The following OR52E4 variants were observed in gnomAD, a reference collection of about 807,000 sequenced individuals.
OR52E4 encodes the protein olfactory receptor family 52 subfamily E member 4, also known as olfactory receptor 52E4.
For synonymous variants in OR52E4, 169 were observed against 137.4 expected (o/e 1.23, Z -1.61); for missense variants, 444 against 383.8 (o/e 1.16, Z -1.31).
In OR52E4 at chr11:5,886,895, C is replaced by T. The variant is rs1847051736; in HGVS notation, c.*1664C>T. ...GAATCTGGACAGTTCTTGGTCTTAA[C>T]ACTGGCTAAGCACAATTCCTGAATT... On this transcript the variant is annotated 3_prime_UTR_variant, in exon 2 of 2. Coordinates refer to ENST00000641726, the MANE Select transcript of OR52E4 (RefSeq NM_001005165.2). The T allele has an allele frequency of 6.6e-6, 1 of 152,130 alleles. No individual in the cohort carries two copies. Among genetic ancestry groups the T allele is most frequent in the South Asian group, 2.1e-4 (1 of 4,834 alleles). 9.4% of individuals were successfully genotyped at this position (152,130 alleles called of 1,614,324 possible).
At chr11:5,883,207 G>A (rs1322028533) in intron 1 of OR52E4, among the ~76,000 whole-genome samples, 1 of 152,002 alleles carries the variant, frequency 6.6e-6, no homozygotes, top group Non-Finnish European at 1.5e-5. Flanking sequence ...GCATTTTATT[G>A]GAAGGATATC....
At position 5,884,478 on chromosome 11, in the gene OR52E4, C is replaced by A; in HGVS notation, c.186C>A (p.Phe62Leu). Residue 62 changes from phenylalanine to leucine, a missense_variant, in exon 2 of 2, where the codon TTC becomes TTA. Physicochemically the swap from Phe to Leu is conservative, Grantham distance 22. Transcript: ENST00000641726. ...KTEHSLHQPM[F>L]YFLAMLSMID... ...AACATAGTCTACACCAGCCCATGTT[C>A]TACTTCCTGGCCATGTTGTCTATGA... 1 of 1,613,554 alleles carries A rather than the reference C, an allele frequency of 6.2e-7. No individual in the cohort carries two copies. Among genetic ancestry groups the A allele is most frequent in the Non-Finnish European group, 8.5e-7 (1 of 1,179,666 alleles).
At position 5,885,996 on chromosome 11, in the gene OR52E4, G is replaced by C. The variant is rs1847037333; in HGVS notation, c.*765G>C. The stretch of plus-strand genomic sequence containing the variant: ...TAAAGCAGGCAGAAAAATGTGAAAA[G>C]ACTAGATGGGCCTAGCCTCCCAGGC... On this transcript the variant is annotated 3_prime_UTR_variant, in exon 2 of 2. Coordinates refer to ENST00000641726, the MANE Select transcript of OR52E4 (RefSeq NM_001005165.2). The C allele has an allele frequency of 6.6e-6, 1 of 152,050 alleles. No individual in the cohort carries two copies. Among genetic ancestry groups the C allele is most frequent in the South Asian group, 2.1e-4 (1 of 4,820 alleles). 9.4% of individuals were successfully genotyped at this position (152,050 alleles called of 1,614,324 possible). A position where few individuals can be genotyped will look rare whatever the true frequency, so the allele number is the denominator to read the frequency against.
Position 5,886,439 on chromosome 11 carries a change from T to C in OR52E4, c.*1208T>C, listed in dbSNP as rs1847045474. On this transcript the variant is annotated 3_prime_UTR_variant, in exon 2 of 2. Coordinates refer to ENST00000641726, the MANE Select transcript of OR52E4 (RefSeq NM_001005165.2). ...TGTCTAATTCTAATTCTCAATTCTATCTGACAATTTCCCTTCAGACAAAAT... is the reference window on the plus strand; with the variant it reads ...TGTCTAATTCTAATTCTCAATTCTACCTGACAATTTCCCTTCAGACAAAAT... 8 of 152,024 alleles carry C rather than the reference T, an allele frequency of 5.3e-5. No homozygotes were observed. Among genetic ancestry groups the C allele is most frequent in the Admixed American group, 5.2e-4 (8 of 15,254 alleles). The allele number at this position is 152,024 out of a possible 1,614,324, so 9.4% of individuals were successfully genotyped here.
chr11:5,886,248 C>T lies in OR52E4; in HGVS notation c.*1017C>T, dbSNP rs1184551207. ...ATATATATATCCTATTAGTTCAGTC[C>T]CTCTAGAGAACACTGACTAATACAC... On this transcript the variant is annotated 3_prime_UTR_variant, in exon 2 of 2. Transcript: ENST00000641726. The T allele has an allele frequency of 6.6e-6, 1 of 150,966 alleles. No homozygotes were observed. Among genetic ancestry groups the T allele is most frequent in the Non-Finnish European group, 1.5e-5 (1 of 67,764 alleles). The allele number at this position is 150,966 out of a possible 1,614,324, so 9.4% of individuals were successfully genotyped here.
At position 5,884,985 on chromosome 11, in the gene OR52E4, T is replaced by C. The variant is rs1847019877; in HGVS notation, c.693T>C (p.Ser231=). ...TTAGAGCTGTTTTTCGCCTTCCCTCTCAAGATGTCCGACTAAAGGCCTTCA... is the reference window on the plus strand; with the variant it reads ...TTAGAGCTGTTTTTCGCCTTCCCTCCCAAGATGTCCGACTAAAGGCCTTCA... ...LILRAVFRLP[S]QDVRLKAFNT... The change falls in exon 2 of 2, where the codon TCT becomes TCC. Residue 231 remains serine (S), a synonymous_variant. Coordinates refer to ENST00000641726, the MANE Select transcript of OR52E4 (RefSeq NM_001005165.2). 1 of 1,613,006 alleles carries C rather than the reference T, an allele frequency of 6.2e-7. No individual in the cohort carries two copies. The highest frequency in any genetic ancestry group is 1.1e-5 in the South Asian group (1 of 91,056).
chr11:5,884,963 G>C lies in OR52E4; in HGVS notation c.671G>C (p.Arg224Thr), dbSNP rs137865578. The change falls in exon 2 of 2, where the codon AGA (arginine) becomes ACA (threonine). Residue 224 changes from arginine to threonine, a missense_variant. Physicochemically the swap from Arg to Thr is moderately conservative, Grantham distance 71 (BLOSUM62 -1). Coordinates refer to ENST00000641726, the MANE Select transcript of OR52E4 (RefSeq NM_001005165.2). ...LIASSYVLIL[R>T]AVFRLPSQDV... is the part of the protein sequence containing the mutation. ...GCCTCTTCCTATGTGCTTATCCTTA[G>C]AGCTGTTTTTCGCCTTCCCTCTCAA... The C allele has an allele frequency of 1.2e-5, 20 of 1,612,422 alleles. No individual in the cohort carries two copies. Among genetic ancestry groups the C allele is most frequent in the East Asian group, 2.2e-5 (1 of 44,822 alleles).
rs2134278276 is a variant in OR52E4 at position 5,885,728 on chromosome 11, G to A, written c.*497G>A. 1 of 152,690 alleles carries A rather than the reference G, an allele frequency of 6.5e-6. No homozygotes were observed. Among genetic ancestry groups the A allele is most frequent in the South Asian group, 2.1e-4 (1 of 4,840 alleles). The allele number at this position is 152,690 out of a possible 1,614,324, so 9.5% of individuals were successfully genotyped here. A position where few individuals can be genotyped will look rare whatever the true frequency, so the allele number is the denominator to read the frequency against. On this transcript the variant is annotated 3_prime_UTR_variant, in exon 2 of 2. Coordinates refer to ENST00000641726, the MANE Select transcript of OR52E4 (RefSeq NM_001005165.2). Reference sequence around the variant, plus strand: ...CCATGTTTATTTTAATGCTCTCTCAGTCTTGCTGTTACTGCCATTTTTGCT... The same window carrying A: ...CCATGTTTATTTTAATGCTCTCTCAATCTTGCTGTTACTGCCATTTTTGCT...
At position 5,885,098 on chromosome 11, in the gene OR52E4, T is replaced by C. The variant is rs1564992016; in HGVS notation, c.806T>C (p.Ile269Thr). ...SFMTHRFGQN[I>T]PHYIHILLAN... The stretch of plus-strand genomic sequence containing the variant: ...ATGACACATCGTTTTGGCCAAAACA[T>C]TCCCCACTATATCCATATTCTTTTG... The change falls in exon 2 of 2, where the codon ATT becomes ACT. Residue 269 changes from isoleucine (I) to threonine (T), a missense_variant. Physicochemically the swap from Ile to Thr is moderately conservative, Grantham distance 89. Coordinates refer to ENST00000641726, the MANE Select transcript of OR52E4 (RefSeq NM_001005165.2). 1.9e-6 allele frequency: 3 copies of C among 1,613,520 alleles called. No individual in the cohort carries two copies. Among genetic ancestry groups the C allele is most frequent in the Non-Finnish European group, 1.7e-6 (2 of 1,179,668 alleles).
Position 5,885,933 on chromosome 11 carries a change from T to A in OR52E4, c.*702T>A, listed in dbSNP as rs1481418701. 1 of 152,098 alleles carries A rather than the reference T, an allele frequency of 6.6e-6. No individual in the cohort carries two copies. The highest frequency in any genetic ancestry group is 2.4e-5 in the African/African-American group (1 of 41,410). The allele number at this position is 152,098 out of a possible 1,614,324, so 9.4% of individuals were successfully genotyped here. A position where few individuals can be genotyped will look rare whatever the true frequency, so the allele number is the denominator to read the frequency against. ...AAGGCAGACCCACCTTCAATCTGGG[T>A]GGGCACCATCTAATCAGCTGCCAAC... On this transcript the variant is annotated 3_prime_UTR_variant, in exon 2 of 2. Transcript: ENST00000641726.
intron 1 of OR52E4, among the ~76,000 whole-genome samples, chr11:5,883,875 G>A (rs1846997522): frequency 6.6e-6 from 1 of 151,942 alleles, no homozygotes; most frequent in Admixed American, 6.6e-5. Context: ...TTCTGGAAAG[G>A]TACTTAGAAA....
rs755242702 is a variant in OR52E4 at position 5,884,474 on chromosome 11, T to C, written c.182T>C (p.Met61Thr). ...ACTGAACATAGTCTACACCAGCCCA[T>C]GTTCTACTTCCTGGCCATGTTGTCT... ...IKTEHSLHQP[M>T]FYFLAMLSMI... Residue 61 changes from methionine to threonine, a missense_variant, in exon 2 of 2, where the codon ATG (methionine) becomes ACG (threonine). By Grantham distance (81) the Met-to-Thr change is moderately conservative. Transcript: ENST00000641726. The C allele has an allele frequency of 5.6e-6, 9 of 1,613,464 alleles. No homozygotes were observed. The highest frequency in any genetic ancestry group is 6.8e-6 in the Non-Finnish European group (8 of 1,179,684).
At chr11:5,883,587 AAACT>A (rs1174313646) in intron 1 of OR52E4, among the ~76,000 whole-genome samples, 2 of 151,626 alleles carry the variant, frequency 1.3e-5, no homozygotes, top group Admixed American at 6.6e-5. Flanking sequence ...TAATATTAAC[AAACT>A]ATTATATAAA....
chr11:5,883,328 G>A lies in OR52E4; in HGVS notation c.-74-891G>A, dbSNP rs117630276. Among the ~76,000 whole-genome samples the A allele has an allele frequency of 3.0e-3, 461 of 152,130 alleles. 2 individuals carry two copies. The highest frequency in any genetic ancestry group is 4.8e-3 in the Non-Finnish European group (329 of 67,974). ...GAAATGCACTTATCAGTTTAGCTGA[G>A]TTAGAACCAGGAAAGTTCTAACAGA... On this transcript the variant is annotated intron_variant, in intron 1 of 1. Coordinates refer to ENST00000641726, the MANE Select transcript of OR52E4 (RefSeq NM_001005165.2).
At position 5,884,327 on chromosome 11, in the gene OR52E4, C is replaced by G. The variant is rs140748846; in HGVS notation, c.35C>G (p.Pro12Arg). 9.3e-6 allele frequency: 15 copies of G among 1,612,136 alleles called. No individual in the cohort carries two copies. The highest frequency in any genetic ancestry group is 2.7e-5 in the African/African-American group (2 of 74,826). Residue 12 changes from proline to arginine, a missense_variant, in exon 2 of 2, where the codon CCC (proline) becomes CGC (arginine). Coordinates refer to ENST00000641726, the MANE Select transcript of OR52E4 (RefSeq NM_001005165.2). ...PSINDTHFYPPFFLLLGIPGL... is the reference protein window; with the variant it reads ...PSINDTHFYPRFFLLLGIPGL... ...ATCAATGACACCCACTTCTATCCCCCCTTCTTCCTCCTGCTAGGAATACCA... is the reference window on the plus strand; with the variant it reads ...ATCAATGACACCCACTTCTATCCCCGCTTCTTCCTCCTGCTAGGAATACCA...
chr11:5,885,393 T>C lies in OR52E4; in HGVS notation c.*162T>C. 1 of 561,788 alleles carries C rather than the reference T, an allele frequency of 1.8e-6. No homozygotes were observed. The highest frequency in any genetic ancestry group is 3.1e-6 in the Non-Finnish European group (1 of 323,632). The allele number at this position is 561,788 out of a possible 1,614,324, so 34.8% of individuals were successfully genotyped here. A position where few individuals can be genotyped will look rare whatever the true frequency, so the allele number is the denominator to read the frequency against. On this transcript the variant is annotated 3_prime_UTR_variant, in exon 2 of 2. Transcript: ENST00000641726. ...ACAGATAATGCAAACTTAAAACCTT[T>C]GCTGCCTGTTTCCCCTACTTCTCTC... is the stretch of plus-strand genomic sequence containing the variant.
chr11:5,884,547 A>T lies in OR52E4; in HGVS notation c.255A>T (p.Gly85=). The T allele has an allele frequency of 1.2e-6, 2 of 1,613,484 alleles. No homozygotes were observed. Among genetic ancestry groups the T allele is most frequent in the Non-Finnish European group, 1.7e-6 (2 of 1,179,682 alleles). The part of the protein sequence containing the change: ...LSTSTIPKML[G]IFWFNLQEIS... ...CATCCACTATCCCCAAAATGCTAGG[A>T]ATCTTCTGGTTCAACCTCCAAGAGA... Residue 85 remains glycine, a synonymous_variant, in exon 2 of 2, where the codon GGA becomes GGT. Transcript: ENST00000641726.
rs11823842 is a variant in OR52E4 at position 5,885,061 on chromosome 11, T to C, written c.769T>C (p.Phe257Leu). ...TATGCTGTGCTTTTACACACCAGCA[T>C]TTTTTTCTTTTATGACACATCGTTT... ...CVMLCFYTPA[F>L]FSFMTHRFGQ... The change falls in exon 2 of 2, where the codon TTT (phenylalanine) becomes CTT (leucine). Residue 257 changes from phenylalanine to leucine, a missense_variant. Phe to Leu is a conservative substitution (Grantham distance 22, BLOSUM62 0). Transcript: ENST00000641726. The C allele has an allele frequency of 0.41, 665,644 of 1,612,354 alleles. 139,101 individuals carry two copies. The highest frequency in any genetic ancestry group is 0.43 in the Non-Finnish European group (510,511 of 1,178,910).
chr11:5,885,000 A>G lies in OR52E4; in HGVS notation c.708A>G (p.Leu236=). ...VFRLPSQDVR[L]KAFNTCGSHV... ...GCCTTCCCTCTCAAGATGTCCGACT[A>G]AAGGCCTTCAATACCTGTGGTTCTC... Residue 236 remains leucine (L), a synonymous_variant, in exon 2 of 2, where the codon CTA becomes CTG. Coordinates refer to ENST00000641726, the MANE Select transcript of OR52E4 (RefSeq NM_001005165.2). The G allele has an allele frequency of 1.2e-6, 2 of 1,613,194 alleles. No individual in the cohort carries two copies. The highest frequency in any genetic ancestry group is 1.7e-6 in the Non-Finnish European group (2 of 1,179,398).
Sources: gnomAD v4.1 joint callset for allele counts (sites outside exome capture counted in the v4.1 genomes callset) on GRCh38, gnomAD v4.1.1 for gene constraint, MANE v1.5 for transcripts, NCBI Gene and HGNC (gene_info 2026-07-23, HGNC 2026-07-21) for gene names.